The following AR variants were observed in gnomAD, a reference collection of about 807,000 sequenced individuals.
The protein encoded by AR is dihydrotestosterone receptor.
In AR, 8 loss-of-function variants were observed where a neutral mutation model predicts 53.9. The ratio of observed to expected loss-of-function variants is 0.15; its 90% CI spans 0.09 to 0.27. The LOEUF is 0.27. Among genes scored for constraint, AR ranks in the 10% least tolerant of loss-of-function variants. AR has a pLI of 1.00. For synonymous variants in AR, 359 were observed against 316.4 expected (o/e 1.13, Z -1.43); for missense variants, 639 against 742.5 (o/e 0.86, Z 1.62).
chrX:67,715,393 G>A (rs981998433), intron 4 of AR, among the ~76,000 whole-genome samples: 1 of 111,271 alleles, frequency 9.0e-6, no homozygotes, highest in Non-Finnish European at 1.9e-5. Context: ...AGGCCTGGGA[G>A]CTAAGACTGC....
intron 1 of AR, among the ~76,000 whole-genome samples, chrX:67,617,885 C>A (rs1213349212): frequency 9.0e-6 from 1 of 111,652 alleles, no homozygotes. Flanking sequence ...CAGGCTCCGT[C>A]TGGCTGCAAC....
At chrX:67,640,177 G>A (rs1366419133) in intron 1 of AR, among the ~76,000 whole-genome samples, 4 of 111,235 alleles carry the variant, frequency 3.6e-5, no homozygotes, top group Admixed American at 9.6e-5. Flanking sequence ...GGACTTGATC[G>A]TGGTGGATAA....
Position 67,626,041 on chromosome X carries a change from G to C in AR, c.1617-17215G>C, listed in dbSNP as rs1029429774. Among the ~76,000 whole-genome samples the C allele has an allele frequency of 7.2e-5, 8 of 111,492 alleles. No individual in the cohort carries two copies. The East Asian group carries it at 2.0e-3, about 27-fold the overall frequency. ...CATATTAGGATAAATGAAGTATCCA[G>C]TACCTCAAGCATTTATCATTTGTGT... On this transcript the variant is annotated intron_variant, in intron 1 of 7. Transcript: ENST00000374690.
intron 1 of AR, among the ~76,000 whole-genome samples, chrX:67,601,818 A>G (rs1228496067): frequency 8.9e-6 from 1 of 112,088 alleles, no homozygotes. Context: ...GACTGTTTCA[A>G]TTAAATAAGA....
At position 67,654,662 on chromosome X, in the gene AR, T is replaced by C. The variant is rs1011509855; in HGVS notation, c.1768+11255T>C. Among the ~76,000 whole-genome samples the C allele has an allele frequency of 4.6e-5, 5 of 108,116 alleles. No homozygotes were observed. The East Asian group carries it at 1.5e-3, about 32-fold the overall frequency. The allele number at this position is 108,116 out of a possible 115,157, so 93.9% of individuals were successfully genotyped here. ...TCCAGGAGAAAAGCTAGCAAGGTCA[T>C]AAATTATTCTCCATATTTTCCAGCC... On this transcript the variant is annotated intron_variant, in intron 2 of 7. Coordinates refer to ENST00000374690, the MANE Select transcript of AR (RefSeq NM_000044.6).
intron 1 of AR, among the ~76,000 whole-genome samples, chrX:67,618,446 G>C (rs1187834782): frequency 9.0e-6 from 1 of 111,158 alleles, no homozygotes; most frequent in Non-Finnish European, 1.9e-5. Flanking sequence ...ACTCTGTTCT[G>C]TGACTTAAGA....
intron 1 of AR, among the ~76,000 whole-genome samples, chrX:67,598,343 C>T (rs1290359121): frequency 1.9e-5 from 2 of 104,514 alleles, no homozygotes; most frequent in African/African-American, 3.5e-5. Flanking sequence ...AGTTCAGTGG[C>T]ACGATCTCGG....
At chrX:67,617,588 CT>C (rs2147392973) in intron 1 of AR, among the ~76,000 whole-genome samples, 1 of 111,672 alleles carries the variant, frequency 9.0e-6, no homozygotes, top group East Asian at 2.8e-4. Context: ...AGAAGCTTCC[CT>C]TGAAGGTTCC....
chrX:67,716,703 G>T (rs2040081253), intron 4 of AR, among the ~76,000 whole-genome samples: 1 of 111,663 alleles, frequency 9.0e-6, no homozygotes, highest in East Asian at 2.8e-4. Flanking sequence ...TGAACAGGTG[G>T]CAGTGGCTGT....
intron 3 of AR, among the ~76,000 whole-genome samples, chrX:67,707,608 G>A (rs1013439399): frequency 1.8e-5 from 2 of 111,908 alleles, no homozygotes; most frequent in South Asian, 3.8e-4. Context: ...GCCAGTCTGT[G>A]TCTTTTAATT....
At chrX:67,592,224 T>C (rs774413854) in intron 1 of AR, among the ~76,000 whole-genome samples, 2 of 112,161 alleles carry the variant, frequency 1.8e-5, no homozygotes, top group South Asian at 7.4e-4. Flanking sequence ...TTGCAGCCTC[T>C]GCTGCAAATT....
intron 1 of AR, among the ~76,000 whole-genome samples, chrX:67,637,374 G>C (rs1161362502): frequency 2.4e-5 from 2 of 82,980 alleles, no homozygotes; most frequent in Non-Finnish European, 4.4e-5. Context: ...TCCCCTTCCT[G>C]TGTCCATGTG....
chrX:67,614,889 T>C (rs1263394354), intron 1 of AR, among the ~76,000 whole-genome samples: 1 of 109,801 alleles, frequency 9.1e-6, no homozygotes, highest in African/African-American at 3.3e-5. Flanking sequence ...AATAAAGAGA[T>C]AGAAGTTATA....
intron 2 of AR, among the ~76,000 whole-genome samples, chrX:67,685,184 T>C (rs2075959051): frequency 8.9e-6 from 1 of 111,852 alleles, no homozygotes; most frequent in African/African-American, 3.3e-5. Context: ...TATATTTACA[T>C]GTTTAGTCAG....
intron 1 of AR, among the ~76,000 whole-genome samples, chrX:67,558,248 TC>T (rs1418649896): frequency 8.9e-6 from 1 of 112,479 alleles, no homozygotes; most frequent in Non-Finnish European, 1.9e-5. Context: ...TTATACATAA[TC>T]ATATATAATA....
At chrX:67,709,153 A>G (rs767441262) in intron 3 of AR, among the ~76,000 whole-genome samples, 1 of 110,518 alleles carries the variant, frequency 9.0e-6, no homozygotes, top group Admixed American at 9.6e-5. Flanking sequence ...GAGAACCACT[A>G]CTCTCTTCAA....
intron 1 of AR, among the ~76,000 whole-genome samples, chrX:67,611,765 T>C (rs1214696190): frequency 3.6e-5 from 4 of 111,656 alleles, no homozygotes; most frequent in African/African-American, 1.3e-4. Context: ...AATTTTTCTC[T>C]GCAGATGAAA....
In AR at chrX:67,724,753, C is replaced by T. The variant is rs1162678679; in HGVS notation, c.*912C>T. 1.1e-5 allele frequency: 2 copies of T among 175,999 alleles called. No individual in the cohort carries two copies. The highest frequency in any genetic ancestry group is 2.2e-5 in the Non-Finnish European group (2 of 91,855). The allele number at this position is 175,999 out of a possible 1,213,427, so 14.5% of individuals were successfully genotyped here. ...TTTCTCTCTCACTCTCTGCCTCCAACTTCAGATTGACTTTCAATAGTTTTT... is the reference window on the plus strand; with the variant it reads ...TTTCTCTCTCACTCTCTGCCTCCAATTTCAGATTGACTTTCAATAGTTTTT... On this transcript the variant is annotated 3_prime_UTR_variant, in exon 8 of 8. Transcript: ENST00000374690.
At chrX:67,664,630 C>T (rs1362816838) in intron 2 of AR, among the ~76,000 whole-genome samples, 1 of 112,146 alleles carries the variant, frequency 8.9e-6, no homozygotes, top group Non-Finnish European at 1.9e-5. Context: ...AGAACCACTA[C>T]TCTCTTCAAA....
Sources: gnomAD v4.1 joint callset for allele counts (sites outside exome capture counted in the v4.1 genomes callset) on GRCh38, gnomAD v4.1.1 for gene constraint, MANE v1.5 for transcripts, NCBI Gene and HGNC (gene_info 2026-07-23, HGNC 2026-07-21) for gene names.